TOX2: variants seen among roughly 807,000 people sequenced by gnomAD.
TOX2 encodes the protein TOX high mobility group box family member 2.
TOX2 carries 15 observed loss-of-function variants against 47.4 expected under a neutral mutation model. The observed-to-expected ratio is 0.32, with a 90% CI of 0.21 to 0.49. The LOEUF is 0.49. Among genes scored for constraint, TOX2 ranks in the 20% least tolerant of loss-of-function variants. TOX2 has a pLI of 0.99. For missense variants in TOX2, 622 were observed against 673.1 expected (o/e 0.92, Z 0.84); for synonymous variants, 290 against 296.6 (o/e 0.98, Z 0.23).
chr20:43,945,414 C>A (rs78322979), intron 1 of TOX2, among the ~76,000 whole-genome samples: 2 of 152,376 alleles, frequency 1.3e-5, no homozygotes, highest in East Asian at 3.9e-4. Context: ...TTAGCTGTCT[C>A]TAATTCTCTC....
chr20:43,951,636 A>G (rs543913193), intron 1 of TOX2, among the ~76,000 whole-genome samples: 1 of 150,888 alleles, frequency 6.6e-6, no homozygotes, highest in Non-Finnish European at 1.5e-5. Flanking sequence ...TGAGGGTTAC[A>G]TGCAATATAG....
chr20:43,927,458 A>AACTAACACACAC (rs1345762660), intron 1 of TOX2, among the ~76,000 whole-genome samples: 1 of 131,382 alleles, frequency 7.6e-6, no homozygotes, highest in Admixed American at 7.6e-5. Context: ...TGATCTATAT[A>AACTAACACACAC]ACACACACAC....
In TOX2 at chr20:44,054,371, G is replaced by A; in HGVS notation, c.724G>A (p.Asp242Asn). The A allele has an allele frequency of 6.2e-7, 1 of 1,611,856 alleles. No homozygotes were observed. The highest frequency in any genetic ancestry group is 8.5e-7 in the Non-Finnish European group (1 of 1,179,418). The change falls in exon 5 of 9, where the codon GAC becomes AAC. Residue 242 changes from aspartate (D) to asparagine (N), a missense_variant. By Grantham distance (23) the Asp-to-Asn change is conservative. Transcript: ENST00000341197. Reference sequence around the variant, plus strand: ...GAACCCGAAGAAGAAGAAAAAGAAGGACCCCAATGAGCCGCAGAAGCCTGT... The same window carrying A: ...GAACCCGAAGAAGAAGAAAAAGAAGAACCCCAATGAGCCGCAGAAGCCTGT... ...AKNPKKKKKK[D>N]PNEPQKPVSA...
At chr20:43,993,363 G>T (rs903483168) in intron 2 of TOX2, among the ~76,000 whole-genome samples, 2 of 152,154 alleles carry the variant, frequency 1.3e-5, no homozygotes, top group Non-Finnish European at 2.9e-5. Context: ...GGTGATGACC[G>T]CTTGGACTAG....
At chr20:43,959,957 C>T (rs2069730931) in intron 1 of TOX2, among the ~76,000 whole-genome samples, 2 of 152,094 alleles carry the variant, frequency 1.3e-5, no homozygotes, top group African/African-American at 4.8e-5. Context: ...AGAGTGTAGG[C>T]TCTGGAGTTG....
In TOX2 at chr20:43,980,019, C is replaced by T. The variant is rs929584591; in HGVS notation, c.165+6587C>T. ...GCTACCATATGATCCAGCAATCCAACTGCTGGGTATATACCCCAAAGAAAG... is the reference window on the plus strand; with the variant it reads ...GCTACCATATGATCCAGCAATCCAATTGCTGGGTATATACCCCAAAGAAAG... On this transcript the variant is annotated intron_variant, in intron 2 of 8. Transcript: ENST00000341197. Among the ~76,000 whole-genome samples, 5 of 152,290 alleles carry T rather than the reference C, an allele frequency of 3.3e-5. No homozygotes were observed. In the South Asian group the frequency reaches 1.0e-3, roughly 32 times the overall value.
intron 2 of TOX2, among the ~76,000 whole-genome samples, chr20:43,980,854 A>G (rs923729985): frequency 6.6e-6 from 1 of 152,200 alleles, no homozygotes; most frequent in Non-Finnish European, 1.5e-5. Flanking sequence ...AAATATAAAA[A>G]TTAACATAAA....
At chr20:44,055,392 G>A (rs1182724638) in intron 5 of TOX2, among the ~76,000 whole-genome samples, 2 of 152,204 alleles carry the variant, frequency 1.3e-5, no homozygotes, top group Non-Finnish European at 2.9e-5. Flanking sequence ...GACCTGAAGT[G>A]TGAGTTCTCT....
At position 43,937,577 on chromosome 20, in the gene TOX2, T is replaced by C. The variant is rs148611288; in HGVS notation, c.99+22587T>C. ...CTGCTGGCTGGTGGTCTTTGAACCATGGACTGAGAATGAGGTGATCAGATG... is the reference window on the plus strand; with the variant it reads ...CTGCTGGCTGGTGGTCTTTGAACCACGGACTGAGAATGAGGTGATCAGATG... On this transcript the variant is annotated intron_variant, in intron 1 of 8. Transcript: ENST00000341197. Among the ~76,000 whole-genome samples, 25 of 152,076 alleles carry C rather than the reference T, an allele frequency of 1.6e-4. 2 individuals carry two copies. Among genetic ancestry groups the C allele is most frequent in the Admixed American group, 1.4e-3 (22 of 15,282 alleles).
At chr20:43,969,304 G>A (rs2069919475) in intron 1 of TOX2, among the ~76,000 whole-genome samples, 1 of 152,204 alleles carries the variant, frequency 6.6e-6, no homozygotes, top group Non-Finnish European at 1.5e-5. Context: ...CCCATGCTGT[G>A]CACACGGTGT....
chr20:44,030,924 A>G (rs1440736091), intron 3 of TOX2, among the ~76,000 whole-genome samples: 1 of 152,200 alleles, frequency 6.6e-6, no homozygotes, highest in East Asian at 1.9e-4. Flanking sequence ...TATCTGCACA[A>G]TTAAAAAGCA....
chr20:44,044,208 A>T (rs2071378577), intron 3 of TOX2, among the ~76,000 whole-genome samples: 1 of 152,126 alleles, frequency 6.6e-6, no homozygotes, highest in South Asian at 2.1e-4. Context: ...GTTGTCACTC[A>T]TAGGTGGGAA....
chr20:44,022,637 T>C (rs2070993649), intron 3 of TOX2, among the ~76,000 whole-genome samples: 1 of 152,236 alleles, frequency 6.6e-6, no homozygotes, highest in African/African-American at 2.4e-5. Flanking sequence ...CCACAGTCAC[T>C]GTGAGCCTGT....
At chr20:43,986,851 A>G (rs2070276672) in intron 2 of TOX2, among the ~76,000 whole-genome samples, 1 of 152,070 alleles carries the variant, frequency 6.6e-6, no homozygotes, top group Non-Finnish European at 1.5e-5. Context: ...GGATCGCTTG[A>G]GCCCAGGAGT....
chr20:44,045,025 G>C (rs2071391816), intron 3 of TOX2, among the ~76,000 whole-genome samples: 1 of 152,200 alleles, frequency 6.6e-6, no homozygotes, highest in Non-Finnish European at 1.5e-5. Flanking sequence ...AAAGAATACT[G>C]TGTGATTCCA....
intron 1 of TOX2, among the ~76,000 whole-genome samples, chr20:43,947,903 T>A (rs2069499148): frequency 6.6e-6 from 1 of 151,626 alleles, no homozygotes. Context: ...AGGGAGAGAG[T>A]GGCTGAGAAT....
At chr20:44,003,895 G>A (rs1178399020) in intron 2 of TOX2, among the ~76,000 whole-genome samples, 1 of 152,158 alleles carries the variant, frequency 6.6e-6, no homozygotes, top group Non-Finnish European at 1.5e-5. Context: ...CCTGAAGGCA[G>A]TGGGGAGCTC....
At chr20:44,055,075 A>G (rs940156902) in intron 5 of TOX2, among the ~76,000 whole-genome samples, 15 of 152,170 alleles carry the variant, frequency 9.9e-5, no homozygotes, top group African/African-American at 3.6e-4. Context: ...TCCCCCCGGT[A>G]TGTCACTGAA....
intron 2 of TOX2, among the ~76,000 whole-genome samples, chr20:43,990,168 G>A (rs533278482): frequency 1.3e-5 from 2 of 152,324 alleles, no homozygotes; most frequent in African/African-American, 2.4e-5. Flanking sequence ...AAGTACATAG[G>A]ATAAGGATAC....
Sources: allele counts gnomAD v4.1 joint callset (sites outside exome capture counted in the v4.1 genomes callset), GRCh38; gene constraint gnomAD v4.1.1; transcripts MANE v1.5; gene names NCBI Gene and HGNC (gene_info 2026-07-23, HGNC 2026-07-21).